The following SNTG1 variants were observed in gnomAD, a reference collection of about 807,000 sequenced individuals.
SNTG1 encodes gamma-1-syntrophin.
A neutral mutation model predicts 74.7 loss-of-function variants in SNTG1; 39 were observed. The ratio of observed to expected loss-of-function variants is 0.52; its 90% CI spans 0.40 to 0.68. The LOEUF (loss-of-function observed/expected upper bound fraction) is 0.68, where lower values mean the gene tolerates loss of function less well. SNTG1 is among the 30% of genes least tolerant of loss of function. The pLI is 0.00. For synonymous variants in SNTG1, 254 were observed against 217.1 expected, an observed-to-expected ratio of 1.17 and a Z score of -1.49; for missense variants, 685 against 609.5, an observed-to-expected ratio of 1.12 and a Z score of -1.30.
intron 8 of SNTG1, among the ~76,000 whole-genome samples, chr8:50,476,415 G>A (rs1310401635): frequency 1.3e-5 from 2 of 152,040 alleles, no homozygotes; most frequent in Non-Finnish European, 2.9e-5. Flanking sequence ...TGTTTTTCAT[G>A]GATTATGGGT....
chr8:49,956,782 G>GA (rs201756546), intron 1 of SNTG1, among the ~76,000 whole-genome samples: 1 of 151,158 alleles, frequency 6.6e-6, no homozygotes, highest in African/African-American at 2.4e-5. Flanking sequence ...GGAAAACAAA[G>GA]AAAAAAAATG....
chr8:50,589,109 T>C (rs1373320508), intron 12 of SNTG1, among the ~76,000 whole-genome samples: 1 of 152,128 alleles, frequency 6.6e-6, no homozygotes, highest in Non-Finnish European at 1.5e-5. Context: ...TGCCTTATTT[T>C]TGAGCCGTGG....
At chr8:50,228,540 C>A (rs1399457778) in intron 2 of SNTG1, among the ~76,000 whole-genome samples, 3 of 151,744 alleles carry the variant, frequency 2.0e-5, no homozygotes, top group African/African-American at 7.2e-5. Context: ...GAGGAAAAAA[C>A]TTCTTAAATA....
At chr8:50,398,925 C>T (rs990212850) in intron 3 of SNTG1, among the ~76,000 whole-genome samples, 3 of 152,130 alleles carry the variant, frequency 2.0e-5, no homozygotes, top group Admixed American at 2.0e-4. Context: ...GAGCGAAACT[C>T]TGTCTCAAGA....
Position 50,752,054 on chromosome 8 carries a change from C to A in SNTG1, c.1338C>A (p.Gly446=). ...AGCTTAAAGGTTCTTCAGATGATGG[C>A]AAGAGCAAAATCAAATTTTTGTTTC... ...FSQLKGSSDD[G]KSKIKFLFQN... The change falls in exon 18 of 19, where the codon GGC becomes GGA. Residue 446 remains glycine (G), a synonymous_variant. Transcript: ENST00000642720. 2 of 1,566,494 alleles carry A rather than the reference C, an allele frequency of 1.3e-6. No homozygotes were observed. The highest frequency in any genetic ancestry group is 1.7e-6 in the Non-Finnish European group (2 of 1,160,332).
intron 4 of SNTG1, among the ~76,000 whole-genome samples, chr8:50,405,208 T>A (rs1428266851): frequency 6.6e-6 from 1 of 152,104 alleles, no homozygotes; most frequent in African/African-American, 2.4e-5. Context: ...TTTGTTCAAC[T>A]TTTTAAGAAA....
chr8:50,544,428 C>T (rs1326582836), intron 11 of SNTG1, among the ~76,000 whole-genome samples: 1 of 151,764 alleles, frequency 6.6e-6, no homozygotes, highest in Non-Finnish European at 1.5e-5. Context: ...TCATTTCTTT[C>T]TTTTGGTTCT....
At chr8:49,923,526 T>C (rs1279788576) in intron 1 of SNTG1, among the ~76,000 whole-genome samples, 2 of 152,134 alleles carry the variant, frequency 1.3e-5, no homozygotes, top group Non-Finnish European at 2.9e-5. Context: ...ATCTTCACTG[T>C]AATGAAGCCA....
intron 2 of SNTG1, among the ~76,000 whole-genome samples, chr8:50,387,986 G>GT (rs2092601266): frequency 6.6e-6 from 1 of 152,144 alleles, no homozygotes; most frequent in African/African-American, 2.4e-5. Flanking sequence ...TCAGGGTCCT[G>GT]TTTTTCCCAA....
rs147783207 is a variant in SNTG1, at chr8:50,587,882, C to T, written c.811-2997C>T. ...ATCCCAGTATTTTGGGAGGCCGAGGCGGGCGGATCACGAGGTAGGGAGATC... is the reference window on the plus strand; with the variant it reads ...ATCCCAGTATTTTGGGAGGCCGAGGTGGGCGGATCACGAGGTAGGGAGATC... On this transcript the variant is annotated intron_variant, in intron 12 of 18. Coordinates refer to ENST00000642720, the MANE Select transcript of SNTG1 (RefSeq NM_018967.5). Among the ~76,000 whole-genome samples, 685 of 151,778 alleles carry T rather than the reference C, an allele frequency of 4.5e-3. 6 individuals carry two copies. Among genetic ancestry groups the T allele is most frequent in the African/African-American group, 0.015 (638 of 41,390 alleles).
intron 4 of SNTG1, among the ~76,000 whole-genome samples, chr8:50,432,693 A>AT (rs1356997200): frequency 6.6e-6 from 1 of 151,872 alleles, no homozygotes; most frequent in South Asian, 2.1e-4. Context: ...TTTTCTCTAG[A>AT]TTTTTTAGTT....
chr8:50,717,066 A>G (rs1024770739), intron 17 of SNTG1, among the ~76,000 whole-genome samples: 2 of 152,228 alleles, frequency 1.3e-5, no homozygotes, highest in African/African-American at 4.8e-5. Context: ...CAAGGACATT[A>G]TAGAGCATTG....
chr8:50,027,335 C>T (rs912038745), intron 1 of SNTG1, among the ~76,000 whole-genome samples: 2 of 152,030 alleles, frequency 1.3e-5, no homozygotes, highest in African/African-American at 4.8e-5. Flanking sequence ...TGACACCAGC[C>T]TTATCCAGAC....
At chr8:49,998,196 C>T (rs748579726) in intron 1 of SNTG1, among the ~76,000 whole-genome samples, 5 of 151,962 alleles carry the variant, frequency 3.3e-5, no homozygotes, top group South Asian at 2.1e-4. Context: ...AGATCAATAA[C>T]GGTATGCTTA....
chr8:49,973,738 T>G lies in SNTG1; in HGVS notation c.-103+61507T>G, dbSNP rs539104599. Among the ~76,000 whole-genome samples, 542 of 152,210 alleles carry G rather than the reference T, an allele frequency of 3.6e-3. 2 individuals are homozygous for G. Among genetic ancestry groups the G allele is most frequent in the African/African-American group, 0.012 (517 of 41,538 alleles). On this transcript the variant is annotated intron_variant, in intron 1 of 18. Coordinates refer to ENST00000642720, the MANE Select transcript of SNTG1 (RefSeq NM_018967.5). ...ATCAGTTGAACTTAAAACTGTAGAA[T>G]AAAATTACAGATACAGAGGTCAAGA... is the stretch of plus-strand genomic sequence containing the variant.
chr8:50,411,264 C>G (rs570282660), intron 4 of SNTG1, among the ~76,000 whole-genome samples: 1 of 151,764 alleles, frequency 6.6e-6, no homozygotes, highest in Non-Finnish European at 1.5e-5. Flanking sequence ...CTGGCTAACA[C>G]GGTGAAACCC....
chr8:50,007,599 G>A (rs913836423), intron 1 of SNTG1, among the ~76,000 whole-genome samples: 5 of 152,136 alleles, frequency 3.3e-5, no homozygotes, highest in African/African-American at 1.2e-4. Flanking sequence ...GTAGTTGTAT[G>A]CGTTGGTTTC....
intron 1 of SNTG1, among the ~76,000 whole-genome samples, chr8:49,985,233 A>G (rs1304837196): frequency 6.6e-6 from 1 of 152,026 alleles, no homozygotes; most frequent in African/African-American, 2.4e-5. Context: ...GTGTAGTGGC[A>G]CGATCTCCAC....
At chr8:50,281,003 A>AAAG (rs1554627468) in intron 2 of SNTG1, among the ~76,000 whole-genome samples, 6 of 150,792 alleles carry the variant, frequency 4.0e-5, no homozygotes, top group African/African-American at 1.5e-4. Context: ...AAAAAAAAAA[A>AAAG]AAAGAAAGAA....
Sources: allele counts gnomAD v4.1 joint callset (sites outside exome capture counted in the v4.1 genomes callset), GRCh38; gene constraint gnomAD v4.1.1; transcripts MANE v1.5; gene names NCBI Gene and HGNC (gene_info 2026-07-23, HGNC 2026-07-21).